Variants in LRRC37B observed in about 807,000 individuals in gnomAD.
LRRC37B encodes the protein leucine-rich repeat-containing protein 37B.
Under a neutral mutation model 98.3 loss-of-function variants are expected in LRRC37B, and 28 were observed. The ratio of observed to expected loss-of-function variants is 0.28; its 90% CI spans 0.21 to 0.39. The LOEUF is 0.39. LRRC37B is among the 10% of genes least tolerant of loss of function. The pLI is 1.00. For missense variants in LRRC37B, 938 were observed against 1,182.7 expected (o/e 0.79, Z 3.03); for synonymous variants, 364 against 442.7 (o/e 0.82, Z 2.23).
chr17:32,051,698 C>G (rs1598216626), intron 11 of LRRC37B: 1 of 152,070 alleles, frequency 6.6e-6, no homozygotes. Flanking sequence ...GAGACCTTGT[C>G]TCAAAAACAG....
At chr17:32,029,293 C>T (rs758959495) in intron 3 of LRRC37B, among the ~76,000 whole-genome samples, 3 of 152,154 alleles carry the variant, frequency 2.0e-5, no homozygotes, top group Non-Finnish European at 4.4e-5. Flanking sequence ...CCACTGCGCC[C>T]GGCCAGCTAT....
chr17:32,032,862 G>A (rs1911147444), intron 5 of LRRC37B, among the ~76,000 whole-genome samples: 1 of 152,172 alleles, frequency 6.6e-6, no homozygotes, highest in African/African-American at 2.4e-5. Flanking sequence ...AACAGTGGGA[G>A]TCCCACATCA....
At chr17:32,045,510 G>A (rs1035404178) in intron 7 of LRRC37B, 190 bp from the exon 11 acceptor site, 2 of 598,142 alleles carry the variant, frequency 3.3e-6, no homozygotes, top group East Asian at 2.8e-5. Context: ...CATACTCACT[G>A]CCATGCTTAC....
At chr17:32,041,923 G>A (rs1428977114) in intron 7 of LRRC37B, 5 of 431,164 alleles carry the variant, frequency 1.2e-5, no homozygotes, top group East Asian at 6.7e-5. Context: ...GCCTACCCTC[G>A]AGTTCCACGG....
intron 11 of LRRC37B, chr17:32,050,387 T>C (rs1911719089): frequency 3.5e-6 from 1 of 286,346 alleles, no homozygotes; most frequent in Non-Finnish European, 6.8e-6. Context: ...CACCCAAAAC[T>C]ATGTCAACAA....
chr17:32,027,068 T>C (rs1910974981), intron 2 of LRRC37B, among the ~76,000 whole-genome samples: 1 of 152,144 alleles, frequency 6.6e-6, no homozygotes, highest in South Asian at 2.1e-4. Flanking sequence ...ACAACATTTA[T>C]GTTATGTGCA....
chr17:32,015,616 A>T (rs1407258585), intron 1 of LRRC37B, among the ~76,000 whole-genome samples: 5 of 152,214 alleles, frequency 3.3e-5, no homozygotes, highest in Non-Finnish European at 5.9e-5. Context: ...TTTTTAAAGA[A>T]TTAATACAAT....
intron 7 of LRRC37B, chr17:32,040,941 C>T (rs1286199409): frequency 7.3e-6 from 7 of 954,552 alleles, no homozygotes; most frequent in East Asian, 2.4e-5. Context: ...CTAAAAGAAG[C>T]GGCAGGGCAA....
At chr17:32,021,685 C>T (rs1910793261) in exon 1 of LRRC37B, 1 of 1,614,242 alleles carries the variant, frequency 6.2e-7, no homozygotes, top group African/African-American at 1.3e-5. Flanking sequence ...AGTAAGGTTT[C>T]AAGACCAACC....
intron 7 of LRRC37B, among the ~76,000 whole-genome samples, chr17:32,043,120 C>T (rs1251663481): frequency 1.3e-5 from 2 of 152,170 alleles, no homozygotes; most frequent in Non-Finnish European, 2.9e-5. Flanking sequence ...AACATACACA[C>T]ATGGAAAGGA....
chr17:32,046,599 CTTTTTTT>C (rs796570580), intron 8 of LRRC37B, among the ~76,000 whole-genome samples: 82 of 132,866 alleles, frequency 6.2e-4, no homozygotes, highest in African/African-American at 1.4e-3. Context: ...TTCTTTTTTT[CTTTTTTT>C]TTTTTTTTTT....
intron 11 of LRRC37B, chr17:32,052,430 C>T (rs1470773182): frequency 6.6e-6 from 1 of 152,028 alleles, no homozygotes; most frequent in Non-Finnish European, 1.5e-5. Context: ...TTTTTTCATA[C>T]TTTTAAGAGT....
chr17:32,035,685 A>G, intron 7 of LRRC37B, 46 bp downstream of exon 10: 2 of 1,540,702 alleles, frequency 1.3e-6, no homozygotes, highest in Non-Finnish European at 1.8e-6. Flanking sequence ...TTGGTTTTTT[A>G]GGTTTGTTTT....
intron 4 of LRRC37B, 33 bp from the exon 8 acceptor site, chr17:32,031,345 T>G (rs1486865024): frequency 1.3e-6 from 2 of 1,599,150 alleles, no homozygotes; most frequent in East Asian, 2.2e-5. Context: ...TGAAATAATT[T>G]TTTTTTCCTT....
chr17:32,025,312 A>G (rs1567614616), intron 2 of LRRC37B, among the ~76,000 whole-genome samples: 1 of 151,558 alleles, frequency 6.6e-6, no homozygotes, highest in Non-Finnish European at 1.5e-5. Flanking sequence ...CTCATATTAT[A>G]GGCATGAGCC....
At chr17:32,023,825 A>G (rs540506) in intron 1 of LRRC37B, among the ~76,000 whole-genome samples, 5 of 152,328 alleles carry the variant, frequency 3.3e-5, no homozygotes, top group South Asian at 4.1e-4. Context: ...AGAACATTAA[A>G]ATGATAGGAG....
exon 1 of LRRC37B, chr17:32,022,576 A>C (rs752324401): frequency 6.2e-7 from 1 of 1,614,040 alleles, no homozygotes; most frequent in Non-Finnish European, 8.5e-7. Context: ...CATCCAGACC[A>C]GGTTCAGACT....
intron 1 of LRRC37B, among the ~76,000 whole-genome samples, chr17:32,011,438 A>G (rs1351028623): frequency 6.6e-6 from 1 of 152,138 alleles, no homozygotes; most frequent in Non-Finnish European, 1.5e-5. Context: ...GGCTCAAGCA[A>G]TCTTCCTGCC....
chr17:32,047,875 G>A (rs748848858), exon 9 of LRRC37B: 1 of 1,614,158 alleles, frequency 6.2e-7, no homozygotes, highest in Non-Finnish European at 8.5e-7. Flanking sequence ...TCAGACAGCA[G>A]TGGCATCAAC....
Sources: gnomAD v4.1 joint callset for allele counts (sites outside exome capture counted in the v4.1 genomes callset) on GRCh38, gnomAD v4.1.1 for gene constraint, MANE v1.5 for transcripts, NCBI Gene and HGNC (gene_info 2026-07-23, HGNC 2026-07-21) for gene names.